Variants in SIK3 observed in about 807,000 individuals in gnomAD.
SIK3 encodes the protein serine/threonine-protein kinase SIK3.
SIK3 carries 28 observed loss-of-function variants against 144.2 expected under a neutral mutation model. The ratio of observed to expected loss-of-function variants is 0.19; its 90% CI spans 0.14 to 0.27. The LOEUF is 0.27. Ranked by LOEUF, SIK3 falls within the 10% of genes least tolerant of loss-of-function variation. The probability of loss-of-function intolerance (pLI) is 1.00; values close to 1 mark genes in which losing one functional copy is unlikely to be tolerated. For missense variants in SIK3, 1,319 were observed against 1,776.0 expected, an observed-to-expected ratio of 0.74 and a Z score of 4.62; for synonymous variants, 686 against 676.3, an observed-to-expected ratio of 1.01 and a Z score of -0.22.
Position 116,847,508 on chromosome 11 carries a change from C to A in SIK3, c.3920G>T (p.Gly1307Val), listed in dbSNP as rs1591351123. The A allele has an allele frequency of 3.7e-6, 6 of 1,614,076 alleles. No homozygotes were observed. The Admixed American group carries it at 1.0e-4, about 27-fold the overall frequency. ...TTCCCCATCCTGAAACTGCTGGCTGCCCATGAGCGAAGACTGACTGAGAAC... is the reference window on the plus strand; with the variant it reads ...TTCCCCATCCTGAAACTGCTGGCTGACCATGAGCGAAGACTGACTGAGAAC... ...DAVLSQSSLM[G>V]SQQFQDGENE... is the part of the protein sequence containing the mutation. The change falls in exon 23 of 25, where the codon GGC becomes GTC. Residue 1307 changes from glycine (G) to valine (V), a missense_variant. This residue lies in a region of SIK3 where 646 missense variants were observed against 763.7 expected (regional missense o/e 0.85). Transcript: ENST00000445177.
chr11:117,087,304 G>T (rs529790740), intron 1 of SIK3, among the ~76,000 whole-genome samples: 2 of 151,946 alleles, frequency 1.3e-5, no homozygotes, highest in South Asian at 2.1e-4. Flanking sequence ...TTAGCCAGGC[G>T]TGGCTATGGG....
chr11:117,064,696 T>G (rs1487887637), intron 1 of SIK3, among the ~76,000 whole-genome samples: 1 of 152,362 alleles, frequency 6.6e-6, no homozygotes, highest in East Asian at 1.9e-4. Flanking sequence ...ATTTAAGTTC[T>G]TTCTACAGCA....
At chr11:117,029,181 T>A (rs1302420169) in intron 1 of SIK3, among the ~76,000 whole-genome samples, 2 of 152,088 alleles carry the variant, frequency 1.3e-5, no homozygotes, top group East Asian at 1.9e-4. Context: ...AGTGCTGGGA[T>A]TACAGGTGTG....
intron 1 of SIK3, among the ~76,000 whole-genome samples, chr11:116,965,241 G>A (rs893828135): frequency 2.6e-5 from 4 of 152,062 alleles, no homozygotes; most frequent in African/African-American, 9.7e-5. Flanking sequence ...AGAAGCCTAC[G>A]AGTGTCTCCA....
chr11:116,917,232 G>A lies in SIK3; in HGVS notation c.616+9987C>T, dbSNP rs573122257. ...ATCAACTTGCATTTGAGGAGCTTAC[G>A]ATCCTCATGAGGACACATGACCTTG... On this transcript the variant is annotated intron_variant, in intron 4 of 24. Transcript: ENST00000445177. 7.2e-5 allele frequency among the ~76,000 whole-genome samples: 11 copies of A among 152,190 alleles called. No homozygotes were observed. The South Asian group carries it at 1.5e-3, about 20-fold the overall frequency.
chr11:117,095,061 G>A (rs1318235753), intron 1 of SIK3, among the ~76,000 whole-genome samples: 2 of 152,034 alleles, frequency 1.3e-5, no homozygotes, highest in African/African-American at 4.8e-5. Flanking sequence ...TCCCACTCTA[G>A]ACGGTTTGAG....
intron 1 of SIK3, among the ~76,000 whole-genome samples, chr11:117,038,224 T>C (rs1952594471): frequency 6.6e-6 from 1 of 152,174 alleles, no homozygotes; most frequent in African/African-American, 2.4e-5. Flanking sequence ...CTTCCTGTTT[T>C]CTCAGCCTCA....
intron 3 of SIK3, among the ~76,000 whole-genome samples, chr11:116,938,564 AGGGGAGGGGAGGG>A (rs1948088968): frequency 4.6e-5 from 2 of 43,312 alleles, no homozygotes; most frequent in East Asian, 1.1e-3. Flanking sequence ...AGGGGAGGGG[AGGGGAGGGGAGGG>A]GAGGGGAGGA....
At chr11:116,975,041 A>C (rs1321698763) in intron 1 of SIK3, among the ~76,000 whole-genome samples, 1 of 152,146 alleles carries the variant, frequency 6.6e-6, no homozygotes, top group Non-Finnish European at 1.5e-5. Flanking sequence ...AAGATACCTG[A>C]AACTCTTTCT....
intron 1 of SIK3, among the ~76,000 whole-genome samples, chr11:116,976,414 A>G (rs1456279986): frequency 1.3e-5 from 2 of 152,268 alleles, no homozygotes. Context: ...TATGGTATAA[A>G]GCAAAGGTCC....
intron 3 of SIK3, among the ~76,000 whole-genome samples, chr11:116,950,908 T>G (rs1948905393): frequency 6.6e-6 from 1 of 152,232 alleles, no homozygotes; most frequent in Non-Finnish European, 1.5e-5. Flanking sequence ...CTTAGGACGA[T>G]TTCCAGAGAC....
chr11:116,979,087 A>C (rs1389861255), intron 1 of SIK3, among the ~76,000 whole-genome samples: 4 of 152,188 alleles, frequency 2.6e-5, no homozygotes, highest in African/African-American at 9.7e-5. Flanking sequence ...GTAAAGCCAA[A>C]TTGTTTTCAA....
rs1170762302 is a variant in SIK3 at position 116,896,298 on chromosome 11, G to A, written c.820C>T (p.Arg274Cys). Reference sequence around the variant, plus strand: ...ATGCGGAACTTTCCACTCAGCACGCGGGCCCGCAGATTCTGCAGTGTGCTT... The same window carrying A: ...ATGCGGAACTTTCCACTCAGCACGCAGGCCCGCAGATTCTGCAGTGTGCTT... Reference protein sequence around the residue: ...DGSTLQNLRARVLSGKFRIPF... With the variant: ...DGSTLQNLRACVLSGKFRIPF... Residue 274 changes from arginine to cysteine, a missense_variant, in exon 6 of 25, where the codon CGC (arginine) becomes TGC (cysteine). This residue lies in a region of SIK3 where 125 missense variants were observed against 285.2 expected (regional missense o/e 0.44). Coordinates refer to ENST00000445177, the MANE Select transcript of SIK3 (RefSeq NM_001366686.3). The A allele has an allele frequency of 3.1e-6, 5 of 1,613,866 alleles. No homozygotes were observed. Among genetic ancestry groups the A allele is most frequent in the Non-Finnish European group, 3.4e-6 (4 of 1,179,900 alleles).
At chr11:116,919,258 G>A (rs1248797481) in intron 4 of SIK3, among the ~76,000 whole-genome samples, 4 of 152,124 alleles carry the variant, frequency 2.6e-5, no homozygotes, top group Admixed American at 6.5e-5. Context: ...CATACTAAGG[G>A]TGAAAGGTCA....
intron 1 of SIK3, among the ~76,000 whole-genome samples, chr11:116,991,438 C>T (rs1375375366): frequency 3.3e-5 from 5 of 152,102 alleles, no homozygotes; most frequent in Non-Finnish European, 7.4e-5. Context: ...TAGAGCAAGG[C>T]GCTGTCTCAA....
chr11:116,891,381 T>C (rs145840077), intron 6 of SIK3, among the ~76,000 whole-genome samples: 57 of 152,322 alleles, frequency 3.7e-4, no homozygotes, highest in African/African-American at 1.1e-3. Context: ...CTTGGGAGAC[T>C]GAGGCAGGAG....
intron 1 of SIK3, among the ~76,000 whole-genome samples, chr11:117,038,273 A>G (rs1393465552): frequency 6.6e-6 from 1 of 152,164 alleles, no homozygotes; most frequent in Non-Finnish European, 1.5e-5. Flanking sequence ...CACTCAAACA[A>G]AATTTCACAG....
At chr11:116,955,160 G>C (rs1949091941) in intron 2 of SIK3, among the ~76,000 whole-genome samples, 4 of 152,176 alleles carry the variant, frequency 2.6e-5, no homozygotes, top group Admixed American at 2.6e-4. Context: ...CACTTTGGGA[G>C]GCCGAGGTGG....
At chr11:116,964,563 A>G (rs1378947502) in intron 1 of SIK3, among the ~76,000 whole-genome samples, 1 of 152,116 alleles carries the variant, frequency 6.6e-6, no homozygotes, top group Non-Finnish European at 1.5e-5. Context: ...AACTCCACAG[A>G]AAGTGGTTAA....
Sources: gnomAD v4.1 joint callset for allele counts (sites outside exome capture counted in the v4.1 genomes callset) on GRCh38, gnomAD v4.1.1 for gene constraint, gnomAD v4.1.1 regional missense constraint, MANE v1.5 for transcripts, NCBI Gene and HGNC (gene_info 2026-07-23, HGNC 2026-07-21) for gene names.